PSMA3: variants seen among roughly 807,000 people sequenced by gnomAD.
PSMA3 encodes proteasome 20S subunit alpha 3, also known as proteasome subunit alpha type-3.
In PSMA3, 8 loss-of-function variants were observed where a neutral mutation model predicts 40.0. That is an observed-to-expected ratio of 0.20 (90% CI 0.12 to 0.36). The LOEUF is 0.36. PSMA3 is among the 10% of genes least tolerant of loss of function. PSMA3 has a pLI of 1.00. For missense variants in PSMA3, 219 were observed against 310.6 expected, an observed-to-expected ratio of 0.70 and a Z score of 2.22; for synonymous variants, 110 against 100.0, an observed-to-expected ratio of 1.10 and a Z score of -0.59.
chr14:58,252,135 A>G lies in PSMA3; in HGVS notation c.121A>G (p.Arg41Gly). ...VENSSTAIGI[R>G]CKDGVVFGVE... ...TTGTTTCAGTACAGCTATTGGAATCAGATGCAAAGATGGTGTTGTCTTTGG... is the reference window on the plus strand; with the variant it reads ...TTGTTTCAGTACAGCTATTGGAATCGGATGCAAAGATGGTGTTGTCTTTGG... The change falls in exon 3 of 11, where the codon AGA becomes GGA. Residue 41 changes from arginine (R) to glycine (G), a missense_variant. Coordinates refer to ENST00000216455, the MANE Select transcript of PSMA3 (RefSeq NM_002788.4). 6.2e-7 allele frequency: 1 copy of G among 1,611,076 alleles called. No homozygotes were observed. Among genetic ancestry groups the G allele is most frequent in the Non-Finnish European group, 8.5e-7 (1 of 1,179,100 alleles).
intron 2 of PSMA3, among the ~76,000 whole-genome samples, chr14:58,250,754 GA>G (rs1236239904): frequency 1.3e-5 from 2 of 152,148 alleles, no homozygotes; most frequent in East Asian, 3.8e-4. Context: ...TCCCTTTTTA[GA>G]TTCTGACTAT....
chr14:58,254,126 G>A (rs1890082727), intron 3 of PSMA3, among the ~76,000 whole-genome samples: 1 of 150,752 alleles, frequency 6.6e-6, no homozygotes, highest in Non-Finnish European at 1.5e-5. Context: ...TCATCATTTA[G>A]CTTCCACTTA....
At position 58,247,606 on chromosome 14, in the gene PSMA3, G is replaced by T. The variant is rs545349274; in HGVS notation, c.22-144G>T. On this transcript the variant is annotated intron_variant, in intron 1 of 10. Transcript: ENST00000216455. Reference sequence around the variant, plus strand: ...TTATCTTAGCTACTGTTGCTGCTCTGACAAGTTTCCCTTTCCTCTCTTGAA... The same window carrying T: ...TTATCTTAGCTACTGTTGCTGCTCTTACAAGTTTCCCTTTCCTCTCTTGAA... The T allele has an allele frequency of 4.2e-5, 24 of 577,418 alleles. No individual in the cohort carries two copies. In the South Asian group the frequency reaches 5.4e-4, roughly 13 times the overall value. The allele number at this position is 577,418 out of a possible 1,614,324, so 35.8% of individuals were successfully genotyped here. A position where few individuals can be genotyped will look rare whatever the true frequency, so the allele number is the denominator to read the frequency against.
At chr14:58,259,784 G>A (rs1410678787) in intron 5 of PSMA3, among the ~76,000 whole-genome samples, 4 of 152,110 alleles carry the variant, frequency 2.6e-5, no homozygotes, top group Non-Finnish European at 5.9e-5. Flanking sequence ...AGGGAGACTT[G>A]GTAGTTGCAA....
chr14:58,267,938 A>AT (rs1357596133), intron 8 of PSMA3: 1 of 152,764 alleles, frequency 6.5e-6, no homozygotes, highest in African/African-American at 2.4e-5. Context: ...ATAATCTGCT[A>AT]TTTATTTGGG....
In PSMA3 at chr14:58,244,881, C is replaced by T. The variant is rs754333531; in HGVS notation, c.-40C>T. On this transcript the variant is annotated 5_prime_UTR_variant, in exon 1 of 11. Coordinates refer to ENST00000216455, the MANE Select transcript of PSMA3 (RefSeq NM_002788.4). ...ATCCTGTGGTATAGGGGAAGCGCTC[C>T]GGGCCTGGAATCCCTACGCGTCCCT... 3.1e-6 allele frequency: 5 copies of T among 1,614,142 alleles called. No individual in the cohort carries two copies. In the East Asian group the frequency reaches 6.7e-5, roughly 22 times the overall value.
rs779086086 is a variant in PSMA3 at position 58,263,690 on chromosome 14, T to A, written c.478-15T>A. 19 of 1,602,318 alleles carry A rather than the reference T, an allele frequency of 1.2e-5. No homozygotes were observed. Among genetic ancestry groups the A allele is most frequent in the Non-Finnish European group, 1.5e-5 (18 of 1,170,280 alleles). On this transcript the variant is annotated splice_polypyrimidine_tract_variant and intron_variant, in intron 6 of 10. Coordinates refer to ENST00000216455, the MANE Select transcript of PSMA3 (RefSeq NM_002788.4). ...TGTACTAATTCAGTGATTATATATA[T>A]TTTTTTCTAAATAGGGTTATTGGGG...
intron 1 of PSMA3, among the ~76,000 whole-genome samples, chr14:58,247,101 A>G (rs1266047104): frequency 6.6e-6 from 1 of 152,336 alleles, no homozygotes; most frequent in South Asian, 2.1e-4. Context: ...AATGTCAAGA[A>G]GACTTTTCCT....
Position 58,244,880 on chromosome 14 carries a change from C to G in PSMA3, c.-41C>G, listed in dbSNP as rs375729415. ...CATCCTGTGGTATAGGGGAAGCGCT[C>G]CGGGCCTGGAATCCCTACGCGTCCC... On this transcript the variant is annotated 5_prime_UTR_variant, in exon 1 of 11. Coordinates refer to ENST00000216455, the MANE Select transcript of PSMA3 (RefSeq NM_002788.4). 8.8e-5 allele frequency: 142 copies of G among 1,614,044 alleles called. 1 individual carries two copies. The highest frequency in any genetic ancestry group is 7.8e-4 in the East Asian group (35 of 44,888).
At chr14:58,260,892 C>A (rs373992571) in intron 5 of PSMA3, 56 bp from the exon 6 acceptor site, 54 of 1,268,536 alleles carry the variant, frequency 4.3e-5, no homozygotes, top group Non-Finnish European at 4.3e-5. Context: ...ATAATTTTTT[C>A]ACAAATACTT....
At chr14:58,251,318 C>A (rs139164808) in intron 2 of PSMA3, among the ~76,000 whole-genome samples, 1 of 152,216 alleles carries the variant, frequency 6.6e-6, no homozygotes, top group Non-Finnish European at 1.5e-5. Context: ...CAGGGTCTCA[C>A]TCTGTTGCAC....
At position 58,257,729 on chromosome 14, in the gene PSMA3, G is replaced by A. The variant is rs769048626; in HGVS notation, c.229-16G>A. ...TAGGAATGTGTTCCTCTAGTAAATTGGTGCTTTTTTTTCAGGCAGTAGCAG... is the reference window on the plus strand; with the variant it reads ...TAGGAATGTGTTCCTCTAGTAAATTAGTGCTTTTTTTTCAGGCAGTAGCAG... On this transcript the variant is annotated splice_polypyrimidine_tract_variant and intron_variant, in intron 3 of 10. Coordinates refer to ENST00000216455, the MANE Select transcript of PSMA3 (RefSeq NM_002788.4). 2.5e-6 allele frequency: 4 copies of A among 1,598,670 alleles called. No homozygotes were observed. Among genetic ancestry groups the A allele is most frequent in the South Asian group, 2.2e-5 (2 of 90,508 alleles).
At chr14:58,264,062 A>G (rs1890362509) in intron 7 of PSMA3, among the ~76,000 whole-genome samples, 1 of 152,208 alleles carries the variant, frequency 6.6e-6, no homozygotes, top group African/African-American at 2.4e-5. Context: ...TAAGTCACTG[A>G]ATGGGAAAGC....
chr14:58,259,990 A>G (rs1161690848), intron 5 of PSMA3, among the ~76,000 whole-genome samples: 1 of 152,242 alleles, frequency 6.6e-6, no homozygotes, highest in South Asian at 2.1e-4. Context: ...CCTGAAGGAT[A>G]AGTCTCATAT....
At chr14:58,270,230 T>G in intron 8 of PSMA3, 188 bp from the exon 9 acceptor site, 1 of 801,088 alleles carries the variant, frequency 1.2e-6, no homozygotes, top group Non-Finnish European at 1.8e-6. Context: ...AGAGTAGATG[T>G]TTCATTTTAT....
At chr14:58,271,261 A>AG (rs1890613044) in intron 10 of PSMA3, among the ~76,000 whole-genome samples, 2 of 151,662 alleles carry the variant, frequency 1.3e-5, no homozygotes, top group Non-Finnish European at 2.9e-5. Flanking sequence ...GTTCCAAAAA[A>AG]AAAAAACTTG....
Position 58,244,859 on chromosome 14 carries a change from C to T in PSMA3, c.-62C>T, listed in dbSNP as rs1005071611. On this transcript the variant is annotated 5_prime_UTR_variant, in exon 1 of 11. Transcript: ENST00000216455. ...GGGCCTGTTACTAGTTTGCGGCATC[C>T]TGTGGTATAGGGGAAGCGCTCCGGG... is the stretch of plus-strand genomic sequence containing the variant. 66 of 1,612,724 alleles carry T rather than the reference C, an allele frequency of 4.1e-5. No individual in the cohort carries two copies. Among genetic ancestry groups the T allele is most frequent in the Non-Finnish European group, 5.5e-5 (65 of 1,178,808 alleles).
chr14:58,262,192 G>A (rs1890301074), intron 6 of PSMA3, among the ~76,000 whole-genome samples: 1 of 136,714 alleles, frequency 7.3e-6, no homozygotes, highest in African/African-American at 2.5e-5. Context: ...GCCTGCCAAA[G>A]TGCAAGGATT....
intron 8 of PSMA3, chr14:58,269,934 C>T (rs1405200095): frequency 1.3e-5 from 2 of 153,920 alleles, no homozygotes; most frequent in African/African-American, 4.8e-5. Flanking sequence ...ACTGCAACCC[C>T]TGCCTCCCGG....
Sources: allele counts gnomAD v4.1 joint callset (sites outside exome capture counted in the v4.1 genomes callset), GRCh38; gene constraint gnomAD v4.1.1; transcripts MANE v1.5; gene names NCBI Gene and HGNC (gene_info 2026-07-23, HGNC 2026-07-21).